PRH1: variants seen among roughly 807,000 people sequenced by gnomAD.
PRH1 encodes proline rich protein HaeIII subfamily 1.
Under a neutral mutation model 7.9 loss-of-function variants are expected in PRH1, and 7 were observed. That is an observed-to-expected ratio of 0.89 (90% CI 0.50 to 1.67). PRH1 has a LOEUF of 1.67. Among genes scored for constraint, PRH1 ranks in the 40% most tolerant of loss-of-function variants. The pLI, the probability that PRH1 is intolerant of heterozygous loss-of-function variation, is 0.00. For synonymous variants in PRH1, 45 were observed against 80.8 expected (o/e 0.56, Z 2.38); for missense variants, 109 against 223.6 (o/e 0.49, Z 3.27).
At chr12:10,961,413 T>C (rs374491467) in intron 2 of PRH1, among the ~76,000 whole-genome samples, 17 of 151,114 alleles carry the variant, frequency 1.1e-4, no homozygotes, top group Middle Eastern at 3.4e-3. Flanking sequence ...GGAAGACTAA[T>C]GATTGCCCCT....
chr12:10,964,931 AC>A, intron 2 of PRH1: 1 of 602,856 alleles, frequency 1.7e-6, no homozygotes, highest in South Asian at 1.7e-5. Context: ...AAGATGACAA[AC>A]CAAAAATAAC....
chr12:11,032,971 G>A (rs1452395218), intron 1 of PRH1, among the ~76,000 whole-genome samples: 2 of 152,138 alleles, frequency 1.3e-5, no homozygotes, highest in African/African-American at 2.4e-5. Context: ...CCCAGAAGAA[G>A]AATGAGAAAC....
chr12:11,140,607 T>C (rs755346714), intron 1 of PRH1, among the ~76,000 whole-genome samples: 1 of 152,160 alleles, frequency 6.6e-6, no homozygotes, highest in East Asian at 1.9e-4. Context: ...CCAAAACAGC[T>C]CAAATTAACT....
chr12:10,962,134 A>T (rs1217688208), intron 2 of PRH1, among the ~76,000 whole-genome samples: 1 of 152,154 alleles, frequency 6.6e-6, no homozygotes, highest in Admixed American at 6.5e-5. Flanking sequence ...CAAAGCTAAG[A>T]TATTCATTCA....
Position 11,014,874 on chromosome 12 carries a change from A to G in PRH1, c.-126+32146T>C, listed in dbSNP as rs567147855. 2.2e-4 allele frequency among the ~76,000 whole-genome samples: 34 copies of G among 152,186 alleles called. No homozygotes were observed. In the East Asian group the frequency reaches 6.4e-3, roughly 29 times the overall value. On this transcript the variant is annotated intron_variant, in intron 1 of 3. Coordinates refer to the PRH1 transcript ENST00000539853. Reference sequence around the variant, plus strand: ...TAGTCAGGCATGAGCGGGGCAGAAGAAGGCTCTCACCACCCACCAGGAATG... The same window carrying G: ...TAGTCAGGCATGAGCGGGGCAGAAGGAGGCTCTCACCACCCACCAGGAATG...
chr12:10,884,161 T>G lies in PRH1; in HGVS notation c.57A>C (p.Leu19Phe). The part of the protein sequence containing the change: ...ALLAFSSAQD[L>F]NEDVSQEDVP... ...TCCCCCAATTCATCTTACCTTCATT[T>G]AAATCCTGAGCTGAGCTGAAGGCCA... The change falls in exon 1 of 4, where the codon TTA becomes TTC. Residue 19 changes from leucine to phenylalanine, a missense_variant. Physicochemically the swap from Leu to Phe is conservative, Grantham distance 22 (BLOSUM62 0). Coordinates refer to ENST00000543626, the MANE Select transcript of PRH1 (RefSeq NM_001393989.1). The G allele has an allele frequency of 1.2e-6, 2 of 1,614,186 alleles. No homozygotes were observed. Among genetic ancestry groups the G allele is most frequent in the Middle Eastern group, 3.3e-4 (2 of 6,062 alleles).
At chr12:10,981,255 G>A (rs180725757) in intron 1 of PRH1, among the ~76,000 whole-genome samples, 22 of 151,908 alleles carry the variant, frequency 1.4e-4, no homozygotes, top group Admixed American at 1.0e-3. Flanking sequence ...CAGAACACAC[G>A]TCCATATTAT....
At chr12:10,952,272 G>T (rs773599730) in intron 2 of PRH1, among the ~76,000 whole-genome samples, 3 of 152,108 alleles carry the variant, frequency 2.0e-5, no homozygotes, top group Non-Finnish European at 4.4e-5. Context: ...AAATAAAGGG[G>T]CCAAAATTAT....
intron 2 of PRH1, among the ~76,000 whole-genome samples, chr12:10,893,490 G>A (rs995034833): frequency 1.4e-4 from 22 of 152,016 alleles, no homozygotes; most frequent in African/African-American, 3.1e-4. Flanking sequence ...AGCAGCATCC[G>A]TCCAATTTTA....
chr12:11,065,053 GATA>G (rs963790179), intron 1 of PRH1, among the ~76,000 whole-genome samples: 1 of 151,684 alleles, frequency 6.6e-6, no homozygotes, highest in East Asian at 1.9e-4. Flanking sequence ...GAATAATACT[GATA>G]ATAATAATAA....
intron 1 of PRH1, among the ~76,000 whole-genome samples, chr12:10,990,441 T>A (rs1338832677): frequency 5.3e-5 from 8 of 152,182 alleles, no homozygotes; most frequent in Non-Finnish European, 1.5e-5. Flanking sequence ...TCTTGGTACA[T>A]TCAAGAAATT....
intron 1 of PRH1, among the ~76,000 whole-genome samples, chr12:11,155,857 G>C (rs1947232553): frequency 6.6e-6 from 1 of 152,032 alleles, no homozygotes; most frequent in South Asian, 2.1e-4. Context: ...TATATAGCTA[G>C]AGTATATGCA....
At chr12:11,133,928 T>A (rs1253119696) in intron 1 of PRH1, 1 of 1,614,024 alleles carries the variant, frequency 6.2e-7, no homozygotes. Flanking sequence ...CCTGAGCAAA[T>A]AAAACATGCT....
rs1275807911 is a variant in PRH1, at chr12:10,994,640, TA to T, written c.-125-20920del. Among the ~76,000 whole-genome samples the T allele has an allele frequency of 4.8e-5, 5 of 104,808 alleles. No individual in the cohort carries two copies. The East Asian group carries it at 2.7e-3, about 57-fold the overall frequency. The allele number at this position is 104,808 out of a possible 152,430, so 68.8% of individuals were successfully genotyped here. A position where few individuals can be genotyped will look rare whatever the true frequency, so the allele number is the denominator to read the frequency against. On this transcript the variant is annotated intron_variant, in intron 1 of 3. Coordinates refer to the PRH1 transcript ENST00000539853. The stretch of plus-strand genomic sequence containing the variant: ...TCACTTTAATATCAGACATTTGCTC[TA>T]CTTCTAGACCCCTGATAAGATATTC...
intron 1 of PRH1, among the ~76,000 whole-genome samples, chr12:10,991,815 T>C (rs1459887964): frequency 6.6e-6 from 1 of 152,082 alleles, no homozygotes; most frequent in Non-Finnish European, 1.5e-5. Flanking sequence ...AAGGATAAAA[T>C]CAGGAGAGGG....
intron 2 of PRH1, chr12:10,965,426 T>A: frequency 1.7e-6 from 1 of 584,648 alleles, no homozygotes; most frequent in Non-Finnish European, 2.7e-6. Flanking sequence ...ATCCTGACCT[T>A]AAATTTTATG....
chr12:10,899,150 T>G (rs10845233), intron 2 of PRH1, among the ~76,000 whole-genome samples: 74,699 of 152,152 alleles, frequency 0.49, 20,776 homozygotes, highest in East Asian at 0.72. Flanking sequence ...AAATTGTTTT[T>G]TATTTCACAG....
At chr12:11,032,460 G>A (rs1245423167) in intron 1 of PRH1, among the ~76,000 whole-genome samples, 1 of 152,182 alleles carries the variant, frequency 6.6e-6, no homozygotes, top group African/African-American at 2.4e-5. Flanking sequence ...TAACACTTTC[G>A]TATAACTTCA....
chr12:10,952,537 A>G (rs1204061745), intron 2 of PRH1, among the ~76,000 whole-genome samples: 1 of 152,192 alleles, frequency 6.6e-6, no homozygotes, highest in African/African-American at 2.4e-5. Context: ...CTGCAAGTTT[A>G]CTGGACTAAA....
Sources: gnomAD v4.1 joint callset for allele counts (sites outside exome capture counted in the v4.1 genomes callset) on GRCh38, gnomAD v4.1.1 for gene constraint, MANE v1.5 for transcripts, NCBI Gene and HGNC (gene_info 2026-07-23, HGNC 2026-07-21) for gene names.